PADI2: variants seen among roughly 807,000 people sequenced by gnomAD.
The protein encoded by PADI2 is peptidyl arginine deiminase 2, also known as protein-arginine deiminase type-2.
A neutral mutation model predicts 81.1 loss-of-function variants in PADI2; 70 were observed. The observed-to-expected ratio is 0.86, with a 90% CI of 0.71 to 1.05. PADI2 has a LOEUF of 1.05. Ranked by LOEUF, PADI2 falls within the 50% of genes least tolerant of loss-of-function variation. The probability of loss-of-function intolerance (pLI) is 0.00; values close to 1 mark genes in which losing one functional copy is unlikely to be tolerated. For synonymous variants in PADI2, 338 were observed against 358.0 expected, an observed-to-expected ratio of 0.94 and a Z score of 0.63; for missense variants, 853 against 889.9, an observed-to-expected ratio of 0.96 and a Z score of 0.53.
chr1:17,104,788 G>A (rs891338663), intron 2 of PADI2, 90 bp downstream of exon 2: 57 of 1,111,284 alleles, frequency 5.1e-5, no homozygotes, highest in Middle Eastern at 3.3e-4. Flanking sequence ...CATGGCCCAC[G>A]TGCAGTTTCT....
At chr1:17,093,505 G>T in intron 5 of PADI2, 62 bp downstream of exon 5, 1 of 1,109,330 alleles carries the variant, frequency 9.0e-7, no homozygotes, top group Non-Finnish European at 1.4e-6. Flanking sequence ...CCCAGCCCAG[G>T]ACTGGGCATG....
In PADI2 at chr1:17,119,108, G is replaced by T. The variant is rs112151621; in HGVS notation, c.92+172C>A. 8.8e-3 allele frequency among the ~76,000 whole-genome samples: 1,342 copies of T among 152,194 alleles called. 10 individuals are homozygous for T. The highest frequency in any genetic ancestry group is 0.037 in the Middle Eastern group (11 of 294). ...AGGGTTTCTGGAAGGTGGACACAAG[G>T]TTCGGGGGTTGTCAGGTTTCTGGAT... On this transcript the variant is annotated intron_variant, in intron 1 of 15. Transcript: ENST00000375486. The surrounding 1 kb of genome is among the most constrained non-coding windows in gnomAD (Gnocchi z 4.8).
chr1:17,101,906 G>A (rs1441694982), intron 3 of PADI2, among the ~76,000 whole-genome samples: 1 of 152,188 alleles, frequency 6.6e-6, no homozygotes, highest in Non-Finnish European at 1.5e-5. Flanking sequence ...CCTTGGAATA[G>A]TTGGAAGAAG....
chr1:17,093,104 T>C (rs938829269), intron 5 of PADI2, among the ~76,000 whole-genome samples: 18 of 149,434 alleles, frequency 1.2e-4, no homozygotes, highest in Non-Finnish European at 1.6e-4. Context: ...TCTTCTTCTT[T>C]TTTTTTCTTG....
chr1:17,088,205 G>A (rs1039399700), intron 6 of PADI2, among the ~76,000 whole-genome samples: 9 of 152,184 alleles, frequency 5.9e-5, no homozygotes, highest in Non-Finnish European at 5.9e-5. Context: ...ATGCCCTTGC[G>A]GGTTGGCAGA....
chr1:17,095,796 C>T, intron 4 of PADI2, 113 bp downstream of exon 4: 4 of 750,952 alleles, frequency 5.3e-6, no homozygotes, highest in Non-Finnish European at 9.0e-6. Context: ...GTCTGGGAGC[C>T]TGTCTTGGGC....
chr1:17,087,752 G>A (rs1436503649), intron 6 of PADI2, among the ~76,000 whole-genome samples: 2 of 152,144 alleles, frequency 1.3e-5, no homozygotes, highest in African/African-American at 2.4e-5. Flanking sequence ...TGATTTGCCT[G>A]CCTTCAGACC....
Position 17,067,939 on chromosome 1 carries a change from G to C in PADI2, c.*1105C>G, listed in dbSNP as rs571486602. The C allele has an allele frequency of 2.0e-5, 3 of 152,748 alleles. No individual in the cohort carries two copies. In the South Asian group the frequency reaches 6.2e-4, roughly 32 times the overall value. The allele number at this position is 152,748 out of a possible 1,614,324, so 9.5% of individuals were successfully genotyped here. A position where few individuals can be genotyped will look rare whatever the true frequency, so the allele number is the denominator to read the frequency against. On this transcript the variant is annotated 3_prime_UTR_variant, in exon 16 of 16. Coordinates refer to ENST00000375486, the MANE Select transcript of PADI2 (RefSeq NM_007365.3). ...AATGAATCTGGGTATGTCCAAATGA[G>C]AGGGTCTTTGGCAAAGGCACTGGTG... is the stretch of plus-strand genomic sequence containing the variant.
intron 1 of PADI2, among the ~76,000 whole-genome samples, chr1:17,108,226 G>C (rs1194904849): frequency 1.5e-4 from 23 of 152,264 alleles, no homozygotes; most frequent in Non-Finnish European, 2.9e-5. Flanking sequence ...TGGGATTACA[G>C]GCGTGAGCCA....
At chr1:17,072,908 C>T (rs2101571313) in intron 13 of PADI2, among the ~76,000 whole-genome samples, 1 of 152,264 alleles carries the variant, frequency 6.6e-6, no homozygotes, top group African/African-American at 2.4e-5. Context: ...AGGACTCAAG[C>T]TTGCCAATCC....
chr1:17,084,527 G>T, intron 8 of PADI2, 72 bp downstream of exon 8: 1 of 871,040 alleles, frequency 1.1e-6, no homozygotes, highest in African/African-American at 1.7e-5. Flanking sequence ...CCAGGAACTA[G>T]ACTCATGTCC....
At chr1:17,106,983 G>GT (rs200036794) in intron 1 of PADI2, among the ~76,000 whole-genome samples, 116 of 150,654 alleles carry the variant, frequency 7.7e-4, no homozygotes, top group African/African-American at 2.6e-3. Context: ...AGATGAATTT[G>GT]TTTTTAAGCC....
rs2078230726 is a variant in PADI2, at chr1:17,067,433, T to A, written c.*1611A>T. On this transcript the variant is annotated 3_prime_UTR_variant, in exon 16 of 16. Transcript: ENST00000375486. ...CTCTGGGGACTCATTGGATGGGTAC[T>A]GGCTAGGTAGATGGGAAGGGGGCCT... 1 of 152,148 alleles carries A rather than the reference T, an allele frequency of 6.6e-6. No individual in the cohort carries two copies. 9.4% of individuals were successfully genotyped at this position (152,148 alleles called of 1,614,324 possible).
At position 17,093,571 on chromosome 1, in the gene PADI2, C is replaced by T. The variant is rs775702475; in HGVS notation, c.525G>A (p.Lys175=). The T allele has an allele frequency of 1.2e-6, 2 of 1,600,866 alleles. No individual in the cohort carries two copies. Among genetic ancestry groups the T allele is most frequent in the Admixed American group, 1.7e-5 (1 of 59,866 alleles). ...EDCRDEKVYS[K]EDLKDMSQMI... ...AAGTGCAGGGCCTGCTGGCACCTTC[C>T]TTGCTGTAGACCTTCTCATCACGGC... The change falls in exon 5 of 16, where the codon AAG becomes AAA. Residue 175 remains lysine, a synonymous_variant. Transcript: ENST00000375486.
Position 17,083,742 on chromosome 1 carries a change from C to A in PADI2, c.1034G>T (p.Gly345Val), listed in dbSNP as rs767106352. The A allele has an allele frequency of 6.2e-7, 1 of 1,612,418 alleles. No homozygotes were observed. Among genetic ancestry groups the A allele is most frequent in the Non-Finnish European group, 8.5e-7 (1 of 1,178,438 alleles). Residue 345 changes from glycine to valine, a missense_variant, in exon 9 of 16, where the codon GGC becomes GTC. Gly to Val is a moderately radical substitution (Grantham distance 109). Transcript: ENST00000375486. ...GCTCCTTACCTGGATCCAGCGATCG[C>A]CTCGGTTTAGGTACTGGAAGCAGAC... ...LKVCFQYLNR[G>V]DRWIQDEIEF...
intron 13 of PADI2, among the ~76,000 whole-genome samples, chr1:17,073,431 A>AAG (rs2078278481): frequency 4.6e-5 from 7 of 151,944 alleles, no homozygotes; most frequent in Non-Finnish European, 8.8e-5. Flanking sequence ...AAAAAAAAAA[A>AAG]AAGTATAACG....
At chr1:17,077,981 C>T (rs1390334668) in intron 11 of PADI2, among the ~76,000 whole-genome samples, 6 of 152,186 alleles carry the variant, frequency 3.9e-5, no homozygotes, top group Admixed American at 6.5e-5. Context: ...GGCAGGACCA[C>T]GTCTGCTCAT....
chr1:17,113,954 T>C (rs1297602525), intron 1 of PADI2, among the ~76,000 whole-genome samples: 1 of 152,170 alleles, frequency 6.6e-6, no homozygotes, highest in Non-Finnish European at 1.5e-5. Flanking sequence ...GGACCCCAAC[T>C]ATGCAGGGAC....
intron 6 of PADI2, among the ~76,000 whole-genome samples, chr1:17,088,072 C>A (rs542319767): frequency 6.6e-6 from 1 of 152,010 alleles, no homozygotes; most frequent in African/African-American, 2.4e-5. Flanking sequence ...TAAGATGGAG[C>A]AGATGTGGGA....
Sources: allele counts gnomAD v4.1 joint callset (sites outside exome capture counted in the v4.1 genomes callset), GRCh38; gene constraint gnomAD v4.1.1; non-coding constraint Gnocchi (gnomAD v3.1); transcripts MANE v1.5; gene names NCBI Gene and HGNC (gene_info 2026-07-23, HGNC 2026-07-21).